Variants in GATAD1 observed in about 807,000 individuals in gnomAD.
GATAD1 encodes GATA zinc finger domain-containing protein 1.
In GATAD1, 12 loss-of-function variants were observed where a neutral mutation model predicts 26.5. The observed-to-expected ratio is 0.45, with a 90% confidence interval of 0.29 to 0.73. The LOEUF (loss-of-function observed/expected upper bound fraction) is 0.73, where lower values mean the gene tolerates loss of function less well. Among genes scored for constraint, GATAD1 ranks in the 30% least tolerant of loss-of-function variants. GATAD1 has a pLI of 0.10. For synonymous variants in GATAD1, 129 were observed against 133.1 expected, an observed-to-expected ratio of 0.97 and a Z score of 0.21; for missense variants, 266 against 342.1, an observed-to-expected ratio of 0.78 and a Z score of 1.75.
In GATAD1 at chr7:92,449,161, T is replaced by G. The variant is rs1244002378; in HGVS notation, c.375+284T>G. On this transcript the variant is annotated intron_variant, in intron 2 of 4. Coordinates refer to ENST00000287957, the MANE Select transcript of GATAD1 (RefSeq NM_021167.5). The stretch of plus-strand genomic sequence containing the variant: ...AAACATCAACCTTGAGCCCATTTTT[T>G]GGGGTTCTCTATGGAAAGGAAGAGG... The G allele has an allele frequency of 1.2e-5, 13 of 1,096,168 alleles. No homozygotes were observed. In the South Asian group the frequency reaches 1.7e-4, roughly 14 times the overall value. The allele number at this position is 1,096,168 out of a possible 1,614,324, so 67.9% of individuals were successfully genotyped here.
intron 3 of GATAD1, among the ~76,000 whole-genome samples, chr7:92,452,952 A>G (rs1027444674): frequency 6.6e-6 from 1 of 152,236 alleles, no homozygotes; most frequent in Non-Finnish European, 1.5e-5. Flanking sequence ...AATGCAAACT[A>G]TTTATATGAT....
intron 3 of GATAD1, chr7:92,454,213 A>G (rs1483922318): frequency 3.3e-6 from 1 of 299,798 alleles, no homozygotes; most frequent in Non-Finnish European, 6.1e-6. Context: ...TCTATTTTTT[A>G]AAAAGTGGGG....
the GATAD1 span, among the ~76,000 whole-genome samples, chr7:92,484,392 C>T: frequency 2.6e-5 from 4 of 152,018 alleles, no homozygotes; most frequent in African/African-American, 7.2e-5. Context: ...TTGCAGTTGA[C>T]GTACCACCAA....
the GATAD1 span, chr7:92,469,142 C>G: frequency 1.5e-6 from 1 of 664,216 alleles, no homozygotes; most frequent in Admixed American, 2.1e-5. Context: ...TTCTCAGTGA[C>G]GATTCCGGAT....
chr7:92,489,174 G>T, the GATAD1 span: 1 of 944,280 alleles, frequency 1.1e-6, no homozygotes, highest in Non-Finnish European at 1.6e-6. Flanking sequence ...CATATTTTTT[G>T]AATTAGCTTT....
At chr7:92,494,243 A>C in the GATAD1 span, 38 of 1,322,964 alleles carry the variant, frequency 2.9e-5, no homozygotes, top group Non-Finnish European at 4.0e-5. Flanking sequence ...GCTCACAAGG[A>C]AAGAGTGTAG....
the GATAD1 span, chr7:92,469,433 T>A: frequency 1.3e-6 from 1 of 771,590 alleles, no homozygotes; most frequent in Non-Finnish European, 2.4e-6. Context: ...ATGGGTACTC[T>A]TTTGTTGCGG....
At chr7:92,491,372 A>G in the GATAD1 span, 1 of 1,613,880 alleles carries the variant, frequency 6.2e-7, no homozygotes, top group Non-Finnish European at 8.5e-7. Context: ...GATCTCGGAC[A>G]TCTCTAAAGA....
At chr7:92,488,554 T>C in the GATAD1 span, among the ~76,000 whole-genome samples, 1 of 152,126 alleles carries the variant, frequency 6.6e-6, no homozygotes, top group Non-Finnish European at 1.5e-5. Context: ...GTATAACAAA[T>C]GTGGTCCACA....
the GATAD1 span, chr7:92,470,120 T>C: frequency 1.3e-6 from 1 of 778,848 alleles, no homozygotes; most frequent in Non-Finnish European, 2.4e-6. Context: ...ATTTTTCCTG[T>C]CCAATAATGA....
At chr7:92,464,918 G>A (rs138514568), downstream of GATAD1, among the ~76,000 whole-genome samples, 336 of 152,280 alleles carry the variant, frequency 2.2e-3, 1 homozygote, top group African/African-American at 7.3e-3. Context: ...TTTGTAAGCC[G>A]AACATTTCTA....
chr7:92,470,414 G>A, the GATAD1 span: 4 of 660,596 alleles, frequency 6.1e-6, no homozygotes, highest in African/African-American at 3.6e-5. Flanking sequence ...TTTCCTCCTG[G>A]TTGTTGTTTG....
the GATAD1 span, chr7:92,494,556 TATC>T: frequency 2.5e-6 from 4 of 1,613,816 alleles, no homozygotes; most frequent in Non-Finnish European, 3.4e-6. Context: ...ACTCCTGTAT[TATC>T]ATGACCCCGC....
At position 92,454,573 on chromosome 7, in the gene GATAD1, A is replaced by C. The variant is rs775915716; in HGVS notation, c.507A>C (p.Gln169His). 6.2e-7 allele frequency: 1 copy of C among 1,613,226 alleles called. No homozygotes were observed. The highest frequency in any genetic ancestry group is 8.5e-7 in the Non-Finnish European group (1 of 1,179,136). ...DEQDGKPYYA[Q>H]IRGFIQDQYC... ...AAGATGGAAAGCCCTACTATGCTCA[A>C]ATCAGAGGTTTTATCCAGGACCAGT... Residue 169 changes from glutamine (Q) to histidine (H), a missense_variant, in exon 4 of 5, where the codon CAA (glutamine) becomes CAC (histidine). Transcript: ENST00000287957.
the GATAD1 span, chr7:92,489,752 T>A: frequency 1.2e-6 from 2 of 1,614,172 alleles, no homozygotes; most frequent in Non-Finnish European, 1.7e-6. Flanking sequence ...ATAATACTGA[T>A]ATCTGCCCTC....
chr7:92,493,969 G>GTTT, the GATAD1 span: 1 of 282,828 alleles, frequency 3.5e-6, no homozygotes, highest in Non-Finnish European at 6.8e-6. Flanking sequence ...CTGTATCAGA[G>GTTT]TTTTTTTTTT....
chr7:92,463,662 C>CAA (rs34356967), downstream of GATAD1, among the ~76,000 whole-genome samples: 11 of 72,676 alleles, frequency 1.5e-4, 1 homozygote, highest in East Asian at 1.2e-3. Context: ...GATTCCGTCT[C>CAA]AAAAAAAAAA....
At chr7:92,472,067 G>A in the GATAD1 span, 3 of 152,158 alleles carry the variant, frequency 2.0e-5, no homozygotes, top group South Asian at 4.1e-4. Flanking sequence ...AGTTGAGGTC[G>A]GGATCAGTCA....
the GATAD1 span, among the ~76,000 whole-genome samples, chr7:92,479,277 G>A: frequency 3.3e-5 from 5 of 152,178 alleles, no homozygotes; most frequent in Admixed American, 2.0e-4. Flanking sequence ...GGTGCAGGCG[G>A]GCTGAGTCCA....
Sources: allele counts gnomAD v4.1 joint callset (sites outside exome capture counted in the v4.1 genomes callset), GRCh38; gene constraint gnomAD v4.1.1; transcripts MANE v1.5; gene names NCBI Gene and HGNC (gene_info 2026-07-23, HGNC 2026-07-21).